The following GREM1 variants were observed in gnomAD, a reference collection of about 807,000 sequenced individuals.
The protein encoded by GREM1 is gremlin-1.
GREM1 carries 6 observed loss-of-function variants against 13.1 expected under a neutral mutation model. That is an observed-to-expected ratio of 0.46 (90% confidence interval 0.25 to 0.91). The LOEUF (loss-of-function observed/expected upper bound fraction) is 0.91. GREM1 is among the 40% of genes least tolerant of loss of function. The probability of loss-of-function intolerance (pLI) is 0.18; values close to 1 mark genes in which losing one functional copy is unlikely to be tolerated. For missense variants in GREM1, 185 were observed against 233.9 expected, an observed-to-expected ratio of 0.79 and a Z score of 1.36; for synonymous variants, 98 against 93.7, an observed-to-expected ratio of 1.05 and a Z score of -0.27.
Position 32,742,211 on chromosome 15 carries a change from C to T in GREM1, c.*10966C>T, listed in dbSNP as rs765632773. On this transcript the variant is annotated 3_prime_UTR_variant, in exon 2 of 2. Transcript: ENST00000651154. ...CATAAAATAAGTTAGAAAGTGTTCTCTCTTCTTTGATTTTTTTGGAAGAGT... is the reference window on the plus strand; with the variant it reads ...CATAAAATAAGTTAGAAAGTGTTCTTTCTTCTTTGATTTTTTTGGAAGAGT... 2.0e-5 allele frequency: 3 copies of T among 152,100 alleles called. No homozygotes were observed. The highest frequency in any genetic ancestry group is 1.5e-5 in the Non-Finnish European group (1 of 68,016). The allele number at this position is 152,100 out of a possible 1,614,324, so 9.4% of individuals were successfully genotyped here. A position where few individuals can be genotyped will look rare whatever the true frequency, so the allele number is the denominator to read the frequency against.
In GREM1 at chr15:32,734,667, G is replaced by A. The variant is rs540623018; in HGVS notation, c.*3422G>A. The stretch of plus-strand genomic sequence containing the variant: ...CTAATAAATTAAACCTATTCTTTCT[G>A]TGTGTGTGAGCGTGCGTTTGTGTTT... On this transcript the variant is annotated 3_prime_UTR_variant, in exon 2 of 2. Transcript: ENST00000651154. 97 of 235,920 alleles carry A rather than the reference G, an allele frequency of 4.1e-4. No homozygotes were observed. Among genetic ancestry groups the A allele is most frequent in the African/African-American group, 2.0e-3 (92 of 45,046 alleles). 14.6% of individuals were successfully genotyped at this position (235,920 alleles called of 1,614,324 possible).
At chr15:32,726,101 T>C (rs1275045167) in intron 1 of GREM1, among the ~76,000 whole-genome samples, 3 of 152,222 alleles carry the variant, frequency 2.0e-5, no homozygotes, top group African/African-American at 7.2e-5. Flanking sequence ...TAGGATTGTC[T>C]TGGCTATATG....
chr15:32,732,802 A>G lies in GREM1; in HGVS notation c.*1557A>G, dbSNP rs937439695. On this transcript the variant is annotated 3_prime_UTR_variant, in exon 2 of 2. Transcript: ENST00000651154. ...CCAAAGTGCAGGGTGGGTGAACTTTATTGTACTTTGGATTTGGTTAACCTG... is the reference window on the plus strand; with the variant it reads ...CCAAAGTGCAGGGTGGGTGAACTTTGTTGTACTTTGGATTTGGTTAACCTG... 2.2e-5 allele frequency: 5 copies of G among 226,568 alleles called. No individual in the cohort carries two copies. The highest frequency in any genetic ancestry group is 4.8e-5 in the Non-Finnish European group (5 of 104,666). 14.0% of individuals were successfully genotyped at this position (226,568 alleles called of 1,614,324 possible). A position where few individuals can be genotyped will look rare whatever the true frequency, so the allele number is the denominator to read the frequency against.
chr15:32,727,539 A>G (rs1204056005), intron 1 of GREM1, among the ~76,000 whole-genome samples: 1 of 152,232 alleles, frequency 6.6e-6, no homozygotes, highest in Non-Finnish European at 1.5e-5. Context: ...AGCCAGTATC[A>G]TACTGAATGG....
intron 1 of GREM1, among the ~76,000 whole-genome samples, chr15:32,723,305 G>C (rs2055442205): frequency 6.6e-6 from 1 of 152,160 alleles, no homozygotes; most frequent in Non-Finnish European, 1.5e-5. Flanking sequence ...AGAGCAGTCT[G>C]GGGGTGGGGA....
chr15:32,738,368 T>C lies in GREM1; in HGVS notation c.*7123T>C, dbSNP rs2055732221. 1 of 151,534 alleles carries C rather than the reference T, an allele frequency of 6.6e-6. No individual in the cohort carries two copies. The highest frequency in any genetic ancestry group is 1.5e-5 in the Non-Finnish European group (1 of 67,898). The allele number at this position is 151,534 out of a possible 1,614,324, so 9.4% of individuals were successfully genotyped here. A position where few individuals can be genotyped will look rare whatever the true frequency, so the allele number is the denominator to read the frequency against. ...AGAAAATAGCACCCTTTGAATAGTA[T>C]CAAAAAGAATAAAATACATAGAAAA... On this transcript the variant is annotated 3_prime_UTR_variant, in exon 2 of 2. Coordinates refer to ENST00000651154, the MANE Select transcript of GREM1 (RefSeq NM_013372.7).
chr15:32,723,676 G>A (rs1160599629), intron 1 of GREM1, among the ~76,000 whole-genome samples: 1 of 150,110 alleles, frequency 6.7e-6, no homozygotes, highest in Non-Finnish European at 1.5e-5. Context: ...TGGCTTAGAA[G>A]GTAGGCACAC....
At chr15:32,723,653 A>T (rs2055450614) in intron 1 of GREM1, among the ~76,000 whole-genome samples, 1 of 149,012 alleles carries the variant, frequency 6.7e-6, no homozygotes, top group Admixed American at 6.7e-5. Flanking sequence ...CCTGTCTGTC[A>T]CTCTAGACCC....
rs940654382 is a variant in GREM1 at position 32,738,570 on chromosome 15, A to C, written c.*7325A>C. ...TCCCAGGTGGCTTAAGAAATTGACA[A>C]GTTAATCCTAAAATTCATAAGAAAT... is the stretch of plus-strand genomic sequence containing the variant. On this transcript the variant is annotated 3_prime_UTR_variant, in exon 2 of 2. Coordinates refer to ENST00000651154, the MANE Select transcript of GREM1 (RefSeq NM_013372.7). 1.3e-5 allele frequency: 2 copies of C among 152,238 alleles called. No individual in the cohort carries two copies. Among genetic ancestry groups the C allele is most frequent in the African/African-American group, 2.4e-5 (1 of 41,460 alleles). The allele number at this position is 152,238 out of a possible 1,614,324, so 9.4% of individuals were successfully genotyped here. A position where few individuals can be genotyped will look rare whatever the true frequency, so the allele number is the denominator to read the frequency against.
rs1303300311 is a variant in GREM1, at chr15:32,744,554, C to G, written c.*13309C>G. On this transcript the variant is annotated 3_prime_UTR_variant, in exon 2 of 2. Coordinates refer to ENST00000651154, the MANE Select transcript of GREM1 (RefSeq NM_013372.7). ...CGCCACTGCGCTCCAGCCTGGGCGA[C>G]AGAGTGAGACTCAGCTTCAAAAAAA... is the stretch of plus-strand genomic sequence containing the variant. The G allele has an allele frequency of 7.9e-6, 1 of 125,908 alleles. No individual in the cohort carries two copies. The highest frequency in any genetic ancestry group is 9.7e-5 in the Admixed American group (1 of 10,302). 7.8% of individuals were successfully genotyped at this position (125,908 alleles called of 1,614,324 possible).
rs2055621644 is a variant in GREM1 at position 32,731,660 on chromosome 15, G to C, written c.*415G>C. Reference sequence around the variant, plus strand: ...CTCTGAGGGCAAGAGACCTGTTTTAGTGCTGCATTCGACATGGAAAAGTCC... The same window carrying C: ...CTCTGAGGGCAAGAGACCTGTTTTACTGCTGCATTCGACATGGAAAAGTCC... On this transcript the variant is annotated 3_prime_UTR_variant, in exon 2 of 2. Transcript: ENST00000651154. The C allele has an allele frequency of 7.2e-6, 2 of 279,656 alleles. No homozygotes were observed. Among genetic ancestry groups the C allele is most frequent in the Non-Finnish European group, 1.4e-5 (2 of 139,414 alleles). The allele number at this position is 279,656 out of a possible 1,614,324, so 17.3% of individuals were successfully genotyped here.
chr15:32,730,597 G>T, intron 1 of GREM1, 93 bp from the exon 2 acceptor site: 1 of 801,724 alleles, frequency 1.2e-6, no homozygotes, highest in Non-Finnish European at 2.0e-6. Context: ...AGTGTTTAAC[G>T]GTGCGTTTAA....
intron 1 of GREM1, among the ~76,000 whole-genome samples, chr15:32,727,829 C>T (rs1469378204): frequency 6.6e-6 from 1 of 152,190 alleles, no homozygotes; most frequent in Non-Finnish European, 1.5e-5. Context: ...AAATCACAAG[C>T]ATTCCTATAC....
chr15:32,726,940 C>T (rs1387572467), intron 1 of GREM1, among the ~76,000 whole-genome samples: 5 of 152,086 alleles, frequency 3.3e-5, no homozygotes, highest in Non-Finnish European at 5.9e-5. Context: ...CGCATACACC[C>T]TCCCAAGACT....
intron 1 of GREM1, among the ~76,000 whole-genome samples, chr15:32,719,333 C>G (rs1430229860): frequency 6.6e-6 from 1 of 152,234 alleles, no homozygotes; most frequent in Admixed American, 6.5e-5. Context: ...TATTTGCCTG[C>G]GCCAGGCTCT....
intron 1 of GREM1, chr15:32,719,141 C>G (rs561622417): frequency 1.3e-5 from 2 of 153,562 alleles, no homozygotes; most frequent in South Asian, 4.1e-4. Context: ...TCCGCTGGCC[C>G]CTCCACAGCT....
rs2055666193 is a variant in GREM1, at chr15:32,734,108, A to AC, written c.*2863_*2864insC. 4.1e-6 allele frequency: 1 copy of AC among 242,914 alleles called. No homozygotes were observed. The allele number at this position is 242,914 out of a possible 1,614,324, so 15.0% of individuals were successfully genotyped here. A position where few individuals can be genotyped will look rare whatever the true frequency, so the allele number is the denominator to read the frequency against. ...AGAAGCTGACACACCGTATGTTGTTAGAGTCTTTTATCTGGTCAGGGGAAA... is the reference window on the plus strand; with the variant it reads ...AGAAGCTGACACACCGTATGTTGTTACGAGTCTTTTATCTGGTCAGGGGAAA... On this transcript the variant is annotated 3_prime_UTR_variant, in exon 2 of 2. Coordinates refer to ENST00000651154, the MANE Select transcript of GREM1 (RefSeq NM_013372.7).
chr15:32,738,125 A>ACAAAAAAAAAAACAAAC lies in GREM1; in HGVS notation c.*6880_*6881insCAAAAAAAAAAACAAAC, dbSNP rs1555444752. ...AAAAAAAAAAAAAAAAAAAAAAAAA[A>ACAAAAAAAAAAACAAAC]AAAAAAAAGAAAAGAAAAAAGTCAT... On this transcript the variant is annotated 3_prime_UTR_variant, in exon 2 of 2. Transcript: ENST00000651154. 1 of 27,986 alleles carries ACAAAAAAAAAAACAAAC rather than the reference A, an allele frequency of 3.6e-5. No individual in the cohort carries two copies. Among genetic ancestry groups the ACAAAAAAAAAAACAAAC allele is most frequent in the South Asian group, 2.5e-3 (1 of 402 alleles). The allele number at this position is 27,986 out of a possible 1,614,324, so 1.7% of individuals were successfully genotyped here.
chr15:32,718,384 A>T (rs1168007367), intron 1 of GREM1: 5 of 494,032 alleles, frequency 1.0e-5, no homozygotes, highest in Non-Finnish European at 2.0e-5. Flanking sequence ...AACGTAGGAA[A>T]AAAAGTTGTC....
Sources: gnomAD v4.1 joint callset for allele counts (sites outside exome capture counted in the v4.1 genomes callset) on GRCh38, gnomAD v4.1.1 for gene constraint, MANE v1.5 for transcripts, NCBI Gene and HGNC (gene_info 2026-07-23, HGNC 2026-07-21) for gene names.